The following LSMEM1 variants were observed in gnomAD, a reference collection of about 807,000 sequenced individuals.
LSMEM1 encodes leucine-rich single-pass membrane protein 1.
LSMEM1 carries 10 observed loss-of-function variants against 11.3 expected under a neutral mutation model. The observed-to-expected ratio is 0.89, with a 90% CI of 0.55 to 1.50. The LOEUF is 1.50. Among genes scored for constraint, LSMEM1 ranks in the 40% most tolerant of loss-of-function variants. The pLI, the probability that LSMEM1 is intolerant of heterozygous loss-of-function variation, is 0.00. For synonymous variants in LSMEM1, 65 were observed against 59.3 expected (o/e 1.10, Z -0.44); for missense variants, 151 against 152.9 (o/e 0.99, Z 0.06).
At chr7:112,481,721 A>G (rs1457995613) in intron 1 of LSMEM1, among the ~76,000 whole-genome samples, 1 of 152,230 alleles carries the variant, frequency 6.6e-6, no homozygotes, top group Non-Finnish European at 1.5e-5. Context: ...ATTTATTTGT[A>G]AATAGTCAAA....
At chr7:112,488,844 G>A (rs775142061) in intron 3 of LSMEM1, among the ~76,000 whole-genome samples, 4 of 152,142 alleles carry the variant, frequency 2.6e-5, no homozygotes, top group African/African-American at 4.8e-5. Context: ...TGATCCTCCC[G>A]CCTTGGCCTT....
chr7:112,482,293 C>G (rs1004413012), intron 1 of LSMEM1, among the ~76,000 whole-genome samples: 3 of 152,064 alleles, frequency 2.0e-5, no homozygotes, highest in Admixed American at 2.0e-4. Context: ...TTGGAGTCAC[C>G]TTTTGAGTAG....
chr7:112,484,723 G>A, intron 1 of LSMEM1, 89 bp from the exon 2 acceptor site: 2 of 1,397,202 alleles, frequency 1.4e-6, no homozygotes, highest in Non-Finnish European at 2.0e-6. Flanking sequence ...TTCTTCATAG[G>A]CCTGTCTGGC....
Position 112,490,558 on chromosome 7 carries a change from C to G in LSMEM1, c.*609C>G, listed in dbSNP as rs1796216779. On this transcript the variant is annotated 3_prime_UTR_variant, in exon 4 of 4. Coordinates refer to ENST00000312849, the MANE Select transcript of LSMEM1 (RefSeq NM_182597.3). ...GGGGCTGAGAGTCAAAAGGGAAAGC[C>G]TAATTAATTCAACTAATGTTTATTA... 6.6e-6 allele frequency: 1 copy of G among 152,312 alleles called. No homozygotes were observed. The highest frequency in any genetic ancestry group is 2.1e-4 in the South Asian group (1 of 4,848). The allele number at this position is 152,312 out of a possible 1,614,324, so 9.4% of individuals were successfully genotyped here. A position where few individuals can be genotyped will look rare whatever the true frequency, so the allele number is the denominator to read the frequency against.
upstream of LSMEM1, chr7:112,480,852 G>C (rs1265437339): frequency 4.4e-6 from 2 of 456,236 alleles, no homozygotes; most frequent in Admixed American, 4.7e-5. Context: ...GGTTTGTCTG[G>C]AGTGTTTGCA....
intron 1 of LSMEM1, among the ~76,000 whole-genome samples, chr7:112,481,663 A>G (rs1796035889): frequency 6.6e-6 from 1 of 152,254 alleles, no homozygotes; most frequent in Non-Finnish European, 1.5e-5. Context: ...GTTAAAAAAT[A>G]AAGCACCAGG....
chr7:112,488,038 C>T (rs1796169334), intron 3 of LSMEM1, among the ~76,000 whole-genome samples: 1 of 152,148 alleles, frequency 6.6e-6, no homozygotes, highest in Non-Finnish European at 1.5e-5. Context: ...CATGATGACC[C>T]TTTCACCGCT....
chr7:112,490,576 G>A lies in LSMEM1; in HGVS notation c.*627G>A, dbSNP rs770299886. The A allele has an allele frequency of 3.3e-5, 5 of 152,452 alleles. No individual in the cohort carries two copies. Among genetic ancestry groups the A allele is most frequent in the Non-Finnish European group, 7.3e-5 (5 of 68,124 alleles). The allele number at this position is 152,452 out of a possible 1,614,324, so 9.4% of individuals were successfully genotyped here. A position where few individuals can be genotyped will look rare whatever the true frequency, so the allele number is the denominator to read the frequency against. On this transcript the variant is annotated 3_prime_UTR_variant, in exon 4 of 4. Transcript: ENST00000312849. ...GGAAAGCCTAATTAATTCAACTAAT[G>A]TTTATTAAGCTCCTACTCTGTGCAA...
Position 112,490,522 on chromosome 7 carries a change from AGTAGTTAT to A in LSMEM1, c.*576_*583del, listed in dbSNP as rs1366996144. On this transcript the variant is annotated 3_prime_UTR_variant, in exon 4 of 4. Transcript: ENST00000312849. ...GGTGTTTGCTGGTGAAAACATGAGCAGTAGTTATGTGGGGCTGAGAGTCAAAAGGGAAA... is the reference window on the plus strand; with the variant it reads ...GGTGTTTGCTGGTGAAAACATGAGCAGTGGGGCTGAGAGTCAAAAGGGAAA... 1 of 152,574 alleles carries A rather than the reference AGTAGTTAT, an allele frequency of 6.6e-6. No homozygotes were observed. Among genetic ancestry groups the A allele is most frequent in the Non-Finnish European group, 1.5e-5 (1 of 68,316 alleles). 9.5% of individuals were successfully genotyped at this position (152,574 alleles called of 1,614,324 possible). A position where few individuals can be genotyped will look rare whatever the true frequency, so the allele number is the denominator to read the frequency against.
At chr7:112,480,573 C>T (rs1426249374), upstream of LSMEM1, among the ~76,000 whole-genome samples, 3 of 152,140 alleles carry the variant, frequency 2.0e-5, no homozygotes, top group Admixed American at 2.0e-4. Context: ...GGCAGAAGCT[C>T]CTTGGCATGT....
chr7:112,484,502 T>C (rs975930121), intron 1 of LSMEM1, among the ~76,000 whole-genome samples: 2 of 152,144 alleles, frequency 1.3e-5, no homozygotes, highest in Admixed American at 6.5e-5. Context: ...TAGGCAGAAC[T>C]GAGACATCTG....
In LSMEM1 at chr7:112,489,809, G is replaced by A. The variant is rs777269293; in HGVS notation, c.257-1G>A. On this transcript the variant is annotated splice_acceptor_variant, in intron 3 of 3. Coordinates refer to ENST00000312849, the MANE Select transcript of LSMEM1 (RefSeq NM_182597.3). LOFTEE classifies it high-confidence loss of function. ...AACACAGTCTGTTTTCTGTTTTGAAGTTCAAACTGGAAACAAGATGGATGA... is the reference window on the plus strand; with the variant it reads ...AACACAGTCTGTTTTCTGTTTTGAAATTCAAACTGGAAACAAGATGGATGA... The A allele has an allele frequency of 6.2e-7, 1 of 1,610,368 alleles. No homozygotes were observed. Among genetic ancestry groups the A allele is most frequent in the Non-Finnish European group, 8.5e-7 (1 of 1,178,776 alleles).
At chr7:112,488,971 C>T (rs3128378) in intron 3 of LSMEM1, among the ~76,000 whole-genome samples, 123,639 of 152,236 alleles carry the variant, frequency 0.81, 51,580 homozygotes, top group Middle Eastern at 0.93. Context: ...CCCAAGGTCA[C>T]GTTGCTAATA....
At chr7:112,488,172 C>T (rs578198342) in intron 3 of LSMEM1, among the ~76,000 whole-genome samples, 12 of 152,232 alleles carry the variant, frequency 7.9e-5, no homozygotes, top group African/African-American at 2.6e-4. Context: ...TCTCTTGCAC[C>T]GGGCTGATGA....
In LSMEM1 at chr7:112,486,941, C is replaced by T; in HGVS notation, c.146C>T (p.Pro49Leu). Residue 49 changes from proline to leucine, a missense_variant, in exon 3 of 4, where the codon CCA (proline) becomes CTA (leucine). Transcript: ENST00000312849. ...ATATTAGCTCTAGAGGACAAAATCC[C>T]AGTCCTTGGCACAAACTCAGGAAAT... ...QHLFPLEDKI[P>L]VLGTNSGNGS... 6.2e-7 allele frequency: 1 copy of T among 1,614,136 alleles called. No homozygotes were observed. Among genetic ancestry groups the T allele is most frequent in the Non-Finnish European group, 8.5e-7 (1 of 1,180,012 alleles).
intron 1 of LSMEM1, among the ~76,000 whole-genome samples, chr7:112,482,878 CAG>C (rs1192740572): frequency 6.6e-6 from 1 of 151,490 alleles, no homozygotes; most frequent in Non-Finnish European, 1.5e-5. Flanking sequence ...TCTGAAAACT[CAG>C]GGAATTGTTT....
upstream of LSMEM1, chr7:112,480,697 C>A: frequency 2.6e-6 from 1 of 391,022 alleles, no homozygotes. Context: ...TGGAGTGCTT[C>A]CTTCACCTGT....
intron 3 of LSMEM1, among the ~76,000 whole-genome samples, chr7:112,489,450 C>A (rs1357814088): frequency 6.6e-6 from 1 of 152,170 alleles, no homozygotes; most frequent in Non-Finnish European, 1.5e-5. Flanking sequence ...TGAGCAAAAA[C>A]CTTTTTCTGA....
chr7:112,486,635 A>G (rs1563279784), intron 2 of LSMEM1, among the ~76,000 whole-genome samples: 1 of 152,002 alleles, frequency 6.6e-6, no homozygotes, highest in Non-Finnish European at 1.5e-5. Context: ...ACTTAGCGGG[A>G]CGTGGTGGCG....
Sources: allele counts gnomAD v4.1 joint callset (sites outside exome capture counted in the v4.1 genomes callset), GRCh38; gene constraint gnomAD v4.1.1; transcripts MANE v1.5; gene names NCBI Gene and HGNC (gene_info 2026-07-23, HGNC 2026-07-21).